Variants in PLCE1 observed in about 807,000 individuals in gnomAD.
PLCE1 encodes the protein phospholipase C epsilon 1.
Under a neutral mutation model 242.8 loss-of-function variants are expected in PLCE1, and 119 were observed. That is an observed-to-expected ratio of 0.49 (90% CI 0.42 to 0.57). PLCE1 has a LOEUF of 0.57. Ranked by LOEUF, PLCE1 falls within the 20% of genes least tolerant of loss-of-function variation. PLCE1 has a pLI of 0.00. For synonymous variants in PLCE1, 945 were observed against 1,017.4 expected (o/e 0.93, Z 1.35); for missense variants, 2,441 against 2,788.8 (o/e 0.88, Z 2.81).
At chr10:94,028,690 T>G (rs1449768442) in intron 1 of PLCE1, among the ~76,000 whole-genome samples, 1 of 152,138 alleles carries the variant, frequency 6.6e-6, no homozygotes, top group Non-Finnish European at 1.5e-5. Context: ...GGCTCACACC[T>G]GTAATTCCAG....
intron 3 of PLCE1, among the ~76,000 whole-genome samples, chr10:94,145,680 C>T (rs998474564): frequency 6.6e-6 from 1 of 152,056 alleles, no homozygotes; most frequent in East Asian, 1.9e-4. Flanking sequence ...GGCCCCACCT[C>T]CAGGTGGTGT....
intron 4 of PLCE1, among the ~76,000 whole-genome samples, chr10:94,192,569 T>C (rs887827945): frequency 1.2e-4 from 19 of 152,198 alleles, no homozygotes; most frequent in Admixed American, 6.5e-5. Context: ...TATACGTATA[T>C]CCAATCCACC....
intron 16 of PLCE1, among the ~76,000 whole-genome samples, chr10:94,266,709 G>A (rs1042690818): frequency 6.6e-6 from 1 of 152,114 alleles, no homozygotes; most frequent in Admixed American, 6.5e-5. Context: ...TGCACACGTG[G>A]GTCCAGGTTT....
At chr10:94,268,434 A>T (rs1564845531) in intron 16 of PLCE1, among the ~76,000 whole-genome samples, 2 of 152,208 alleles carry the variant, frequency 1.3e-5, no homozygotes, top group African/African-American at 2.4e-5. Context: ...ATTCACAGCA[A>T]AGATGTTTAA....
chr10:94,191,299 A>AC (rs201900481), intron 4 of PLCE1, among the ~76,000 whole-genome samples: 12 of 151,574 alleles, frequency 7.9e-5, no homozygotes, highest in African/African-American at 1.2e-4. Context: ...AGCAGAGAGG[A>AC]CCCCCCCTGC....
chr10:94,069,495 C>G (rs1554848477), intron 2 of PLCE1, among the ~76,000 whole-genome samples: 1 of 152,146 alleles, frequency 6.6e-6, no homozygotes, highest in Non-Finnish European at 1.5e-5. Flanking sequence ...TGCCTGTAGT[C>G]CGAGCTACTC....
chr10:94,181,038 TGG>T (rs2048294621), intron 4 of PLCE1, among the ~76,000 whole-genome samples: 1 of 152,182 alleles, frequency 6.6e-6, no homozygotes, highest in Non-Finnish European at 1.5e-5. Flanking sequence ...TGCTCCCAGT[TGG>T]GGCAGCAGGA....
intron 24 of PLCE1, among the ~76,000 whole-genome samples, chr10:94,300,076 C>T (rs898265434): frequency 1.3e-5 from 2 of 152,142 alleles, no homozygotes; most frequent in Admixed American, 1.3e-4. Flanking sequence ...AGTCCTGTGT[C>T]CACCTGGTGC....
At chr10:94,304,891 T>C (rs2053150665) in intron 25 of PLCE1, among the ~76,000 whole-genome samples, 1 of 152,206 alleles carries the variant, frequency 6.6e-6, no homozygotes, top group Non-Finnish European at 1.5e-5. Flanking sequence ...CCTGATGTTC[T>C]GATGATGGTA....
At chr10:94,094,829 G>A (rs1190543190) in intron 2 of PLCE1, 1 of 152,126 alleles carries the variant, frequency 6.6e-6, no homozygotes, top group Non-Finnish European at 1.5e-5. Context: ...TAGGCTTAGT[G>A]GTCTCGGGTG....
In PLCE1 at chr10:94,328,641, G is replaced by GAATT. The variant is rs1266274557; in HGVS notation, c.*700_*703dup. The GAATT allele has an allele frequency of 1.3e-5, 2 of 152,150 alleles. No individual in the cohort carries two copies. Among genetic ancestry groups the GAATT allele is most frequent in the East Asian group, 1.9e-4 (1 of 5,186 alleles). 9.4% of individuals were successfully genotyped at this position (152,150 alleles called of 1,614,324 possible). A position where few individuals can be genotyped will look rare whatever the true frequency, so the allele number is the denominator to read the frequency against. On this transcript the variant is annotated 3_prime_UTR_variant, in exon 33 of 33. Transcript: ENST00000371380. Reference sequence around the variant, plus strand: ...TTTATGGCCGAGAATTAGAAGCTTAGAATTAGAAGCTTTGGGGCATTTCAA... The same window carrying GAATT: ...TTTATGGCCGAGAATTAGAAGCTTAGAATTAATTAGAAGCTTTGGGGCATTTCAA...
intron 20 of PLCE1, 59 bp downstream of exon 20, chr10:94,279,970 T>A: frequency 1.3e-6 from 2 of 1,574,740 alleles, no homozygotes; most frequent in Non-Finnish European, 1.7e-6. Context: ...TTTGCCACAT[T>A]TTTCTTTCTA....
chr10:94,262,855 A>G, intron 14 of PLCE1, 123 bp downstream of exon 14: 1 of 805,516 alleles, frequency 1.2e-6, no homozygotes, highest in Non-Finnish European at 2.1e-6. Flanking sequence ...ACAGATATAC[A>G]GTTTTGTTTT....
chr10:94,269,522 T>C (rs925116221), intron 17 of PLCE1, among the ~76,000 whole-genome samples: 3 of 152,268 alleles, frequency 2.0e-5, no homozygotes, highest in Admixed American at 2.0e-4. Flanking sequence ...AATGTGCACA[T>C]GTTCATTTTT....
intron 2 of PLCE1, among the ~76,000 whole-genome samples, chr10:94,045,499 A>G (rs2061862684): frequency 6.6e-6 from 1 of 152,206 alleles, no homozygotes. Flanking sequence ...AAGGCCCTAG[A>G]CAGGTGAAGT....
At chr10:94,097,936 G>A (rs2045376300) in intron 2 of PLCE1, among the ~76,000 whole-genome samples, 1 of 152,190 alleles carries the variant, frequency 6.6e-6, no homozygotes, top group South Asian at 2.1e-4. Context: ...TGAGGTTTCT[G>A]ACCTACAGCA....
chr10:94,078,550 C>T (rs571501445), intron 2 of PLCE1, among the ~76,000 whole-genome samples: 20 of 151,676 alleles, frequency 1.3e-4, no homozygotes, highest in South Asian at 8.3e-4. Flanking sequence ...TGCAGTGGTG[C>T]GATCTCAACT....
At chr10:94,280,002 G>A in intron 20 of PLCE1, 91 bp downstream of exon 20, 1 of 1,301,234 alleles carries the variant, frequency 7.7e-7, no homozygotes, top group Non-Finnish European at 1.1e-6. Flanking sequence ...GAGCGCCAAA[G>A]ACCAGTAATA....
intron 4 of PLCE1, among the ~76,000 whole-genome samples, chr10:94,189,171 C>A (rs1051087501): frequency 1.3e-5 from 2 of 150,822 alleles, no homozygotes; most frequent in African/African-American, 2.4e-5. Flanking sequence ...ATATACTTAA[C>A]CTGGAACTTT....
Sources: gnomAD v4.1 joint callset for allele counts (sites outside exome capture counted in the v4.1 genomes callset) on GRCh38, gnomAD v4.1.1 for gene constraint, MANE v1.5 for transcripts, NCBI Gene and HGNC (gene_info 2026-07-23, HGNC 2026-07-21) for gene names.